The following TRIP11 variants were observed in gnomAD, a reference collection of about 807,000 sequenced individuals.
TRIP11 encodes the protein thyroid receptor-interacting protein 11.
Under a neutral mutation model 223.1 loss-of-function variants are expected in TRIP11, and 148 were observed. That is an observed-to-expected ratio of 0.66 (90% CI 0.58 to 0.76). The LOEUF is 0.76. Ranked by LOEUF, TRIP11 falls within the 30% of genes least tolerant of loss-of-function variation. The pLI is 0.00. For synonymous variants in TRIP11, 762 were observed against 772.6 expected, an observed-to-expected ratio of 0.99 and a Z score of 0.23; for missense variants, 2,043 against 2,222.0, an observed-to-expected ratio of 0.92 and a Z score of 1.62.
At position 92,011,035 on chromosome 14, in the gene TRIP11, A is replaced by G. The variant is rs200567543; in HGVS notation, c.1265T>C (p.Met422Thr). The G allele has an allele frequency of 2.8e-5, 45 of 1,613,994 alleles. No individual in the cohort carries two copies. The highest frequency in any genetic ancestry group is 4.0e-5 in the African/African-American group (3 of 74,988). The change falls in exon 9 of 21, where the codon ATG (methionine) becomes ACG (threonine). Residue 422 changes from methionine (M) to threonine (T), a missense_variant. Coordinates refer to ENST00000267622, the MANE Select transcript of TRIP11 (RefSeq NM_004239.4). ...SLAEDNLKLK[M>T]RIEVLEKEKS... ...CTCTTTTTCTAAAACTTCGATACGC[A>G]TTTTAAGTTTCAGATTGTCTTCAGC... is the stretch of plus-strand genomic sequence containing the variant.
Position 91,995,468 on chromosome 14 carries a change from A to G in TRIP11, c.4940T>C (p.Val1647Ala). The G allele has an allele frequency of 6.2e-7, 1 of 1,614,158 alleles. No homozygotes were observed. The highest frequency in any genetic ancestry group is 1.7e-5 in the Admixed American group (1 of 60,010). ...QVESLQEQLNVVSKQRDETAL... is the reference protein window; with the variant it reads ...QVESLQEQLNAVSKQRDETAL... ...AGTTTCATCCCTTTGCTTGGAAACT[A>G]CATTCAACTGTTCTTGCAATGACTC... The change falls in exon 14 of 21, where the codon GTA becomes GCA. Residue 1647 changes from valine to alanine, a missense_variant. Transcript: ENST00000267622.
intron 1 of TRIP11, among the ~76,000 whole-genome samples, chr14:92,036,447 A>T (rs1436003055): frequency 6.6e-6 from 1 of 152,188 alleles, no homozygotes. Flanking sequence ...ATATAAGGAA[A>T]CTGTGCTTTT....
At chr14:92,008,583 A>C (rs1434332595) in intron 9 of TRIP11, among the ~76,000 whole-genome samples, 1 of 152,236 alleles carries the variant, frequency 6.6e-6, no homozygotes, top group Non-Finnish European at 1.5e-5. Flanking sequence ...GAAGTGGGAC[A>C]GTTCTCTATG....
At chr14:92,000,260 T>A (rs2056807534) in intron 11 of TRIP11, 152 bp from the exon 12 acceptor site, 1 of 1,316,588 alleles carries the variant, frequency 7.6e-7, no homozygotes, top group Admixed American at 2.6e-5. Flanking sequence ...AGACTCCTAG[T>A]TAATTTAAAA....
intron 9 of TRIP11, among the ~76,000 whole-genome samples, chr14:92,010,566 A>C (rs1162860413): frequency 6.6e-6 from 1 of 152,092 alleles, no homozygotes; most frequent in Non-Finnish European, 1.5e-5. Flanking sequence ...TCTACCACTG[A>C]AACTGTTGCT....
At chr14:92,021,490 A>G (rs555640012) in intron 4 of TRIP11, 66 bp downstream of exon 4, 3 of 1,532,478 alleles carry the variant, frequency 2.0e-6, no homozygotes, top group South Asian at 1.1e-5. Context: ...CTCTACATAC[A>G]GTTTTTTATA....
intron 4 of TRIP11, among the ~76,000 whole-genome samples, chr14:92,018,311 G>A (rs184539608): frequency 5.3e-5 from 8 of 151,606 alleles, no homozygotes; most frequent in Admixed American, 1.3e-4. Flanking sequence ...GGCTGGTCTC[G>A]AGCTCCTGGC....
At chr14:92,038,578 T>C (rs574406499) in intron 1 of TRIP11, among the ~76,000 whole-genome samples, 3 of 151,852 alleles carry the variant, frequency 2.0e-5, no homozygotes, top group Non-Finnish European at 2.9e-5. Flanking sequence ...TATCAAACAA[T>C]CTTTCCCGAT....
At chr14:91,992,907 TCAAAAAAAAAAAAAAA>T in intron 15 of TRIP11, among the ~76,000 whole-genome samples, 1 of 27,554 alleles carries the variant, frequency 3.6e-5, no homozygotes, top group African/African-American at 1.5e-4. Context: ...AGACTCCGTC[TCAAAAAAAAAAAAAAA>T]AAAAAAAAAA....
chr14:92,016,950 ACTTTT>A (rs1259049596), intron 5 of TRIP11, among the ~76,000 whole-genome samples: 1 of 152,204 alleles, frequency 6.6e-6, no homozygotes, highest in Non-Finnish European at 1.5e-5. Context: ...TGCAACTAAG[ACTTTT>A]CTTTAAAGAA....
chr14:92,025,217 A>C (rs1308431626), intron 3 of TRIP11, 93 bp downstream of exon 3: 1 of 963,790 alleles, frequency 1.0e-6, no homozygotes, highest in African/African-American at 1.6e-5. Context: ...ATTTTTACAG[A>C]TCTGAATATA....
At chr14:92,013,514 C>A (rs1429951714) in intron 7 of TRIP11, among the ~76,000 whole-genome samples, 1 of 152,172 alleles carries the variant, frequency 6.6e-6, no homozygotes, top group Non-Finnish European at 1.5e-5. Context: ...CTATTCTGCT[C>A]CATTCAGAGA....
Position 92,007,530 on chromosome 14 carries a change from A to T in TRIP11, c.1527+110T>A, listed in dbSNP as rs1416269624. The stretch of plus-strand genomic sequence containing the variant: ...TTTACTATCTAGCACTTTACCAAAA[A>T]GGTTTGTCAATCTCTATGAACTAAA... On this transcript the variant is annotated intron_variant, in intron 10 of 20. Coordinates refer to ENST00000267622, the MANE Select transcript of TRIP11 (RefSeq NM_004239.4). 6 of 1,185,712 alleles carry T rather than the reference A, an allele frequency of 5.1e-6. No individual in the cohort carries two copies. The East Asian group carries it at 9.7e-5, about 19-fold the overall frequency. 73.4% of individuals were successfully genotyped at this position (1,185,712 alleles called of 1,614,324 possible). A position where few individuals can be genotyped will look rare whatever the true frequency, so the allele number is the denominator to read the frequency against.
intron 11 of TRIP11, 143 bp from the exon 12 acceptor site, chr14:92,000,251 G>T (rs2056807327): frequency 1.5e-6 from 2 of 1,358,426 alleles, no homozygotes. Flanking sequence ...GGCTCAGAGA[G>T]ACTCCTAGTT....
chr14:92,034,564 T>C (rs1266795873), intron 1 of TRIP11, among the ~76,000 whole-genome samples: 1 of 152,194 alleles, frequency 6.6e-6, no homozygotes, highest in African/African-American at 2.4e-5. Context: ...AAAAATACAC[T>C]GAGAACACTT....
intron 7 of TRIP11, among the ~76,000 whole-genome samples, chr14:92,013,222 G>A (rs754506717): frequency 2.0e-5 from 3 of 152,038 alleles, no homozygotes; most frequent in African/African-American, 4.8e-5. Flanking sequence ...AACCGAGATC[G>A]TGCCACTGCA....
intron 2 of TRIP11, chr14:92,026,753 A>G (rs1284888221): frequency 1.7e-5 from 19 of 1,111,378 alleles, no homozygotes; most frequent in Non-Finnish European, 2.5e-5. Context: ...GAGGAGGAAG[A>G]AGAAGGTGAG....
At chr14:92,022,393 G>C (rs2057125958) in intron 3 of TRIP11, among the ~76,000 whole-genome samples, 1 of 152,182 alleles carries the variant, frequency 6.6e-6, no homozygotes, top group Non-Finnish European at 1.5e-5. Flanking sequence ...GTGAAACAGT[G>C]AGCCCATGGT....
Position 91,978,469 on chromosome 14 carries a change from T to C in TRIP11, c.5261-2280A>G, listed in dbSNP as rs989237371. On this transcript the variant is annotated intron_variant, in intron 16 of 20. Transcript: ENST00000267622. The surrounding 1 kb of genome is among the most constrained non-coding windows in gnomAD (Gnocchi z 4.4). The stretch of plus-strand genomic sequence containing the variant: ...TTTGTATATTGATTACATGTCTATA[T>C]AATAATTTGGTTATACTGGGTTATA... 6.6e-6 allele frequency among the ~76,000 whole-genome samples: 1 copy of C among 152,206 alleles called. No homozygotes were observed. Among genetic ancestry groups the C allele is most frequent in the Non-Finnish European group, 1.5e-5 (1 of 68,050 alleles).
Sources: allele counts gnomAD v4.1 joint callset (sites outside exome capture counted in the v4.1 genomes callset), GRCh38; gene constraint gnomAD v4.1.1; non-coding constraint Gnocchi (gnomAD v3.1); transcripts MANE v1.5; gene names NCBI Gene and HGNC (gene_info 2026-07-23, HGNC 2026-07-21).